Variants in BMAL1 observed in about 807,000 individuals in gnomAD.
BMAL1 encodes basic helix-loop-helix ARNT like 1, also known as basic helix-loop-helix ARNT-like protein 1.
At chr11:13,309,050 A>G in the BMAL1 span, among the ~76,000 whole-genome samples, 2 of 152,180 alleles carry the variant, frequency 1.3e-5, no homozygotes, top group Non-Finnish European at 2.9e-5. Flanking sequence ...TGAACTGTAC[A>G]CTTAAAAATG....
chr11:13,317,840 T>C, the BMAL1 span, among the ~76,000 whole-genome samples: 422 of 152,338 alleles, frequency 2.8e-3, 3 homozygotes, highest in African/African-American at 9.0e-3. Flanking sequence ...ATTTAAAAAA[T>C]ACGTAGATAC....
At chr11:13,353,126 A>G in the BMAL1 span, 1 of 152,166 alleles carries the variant, frequency 6.6e-6, no homozygotes, top group African/African-American at 2.4e-5. Flanking sequence ...AGGGGACCAT[A>G]TTTTCCTGAT....
chr11:13,306,130 G>T, the BMAL1 span, among the ~76,000 whole-genome samples: 1 of 152,134 alleles, frequency 6.6e-6, no homozygotes, highest in Non-Finnish European at 1.5e-5. Flanking sequence ...GCTCCATCCT[G>T]CTGGGAGTGG....
At chr11:13,299,958 G>T in the BMAL1 span, among the ~76,000 whole-genome samples, 1 of 152,202 alleles carries the variant, frequency 6.6e-6, no homozygotes, top group Non-Finnish European at 1.5e-5. Flanking sequence ...TGTCCGAGGG[G>T]CTGAAAGTTG....
the BMAL1 span, chr11:13,378,586 G>C: frequency 1.8e-6 from 2 of 1,132,708 alleles, no homozygotes; most frequent in African/African-American, 3.2e-5. Flanking sequence ...TAAACATCCT[G>C]TGGATAGAGA....
chr11:13,303,251 CAA>C, the BMAL1 span, among the ~76,000 whole-genome samples: 1 of 151,934 alleles, frequency 6.6e-6, no homozygotes, highest in Non-Finnish European at 1.5e-5. Context: ...TCATTGGCAA[CAA>C]ATGATTGTCT....
the BMAL1 span, among the ~76,000 whole-genome samples, chr11:13,352,761 G>A: frequency 3.9e-5 from 6 of 152,242 alleles, no homozygotes; most frequent in African/African-American, 1.2e-4. Flanking sequence ...CTTATCTGTC[G>A]GCCTAACAGT....
the BMAL1 span, among the ~76,000 whole-genome samples, chr11:13,353,015 T>C: frequency 6.6e-6 from 1 of 152,238 alleles, no homozygotes; most frequent in Non-Finnish European, 1.5e-5. Context: ...CTCAAAATGT[T>C]TTGCAAATTT....
At chr11:13,278,675 C>T in the BMAL1 span, among the ~76,000 whole-genome samples, 1 of 152,212 alleles carries the variant, frequency 6.6e-6, no homozygotes, top group African/African-American at 2.4e-5. Flanking sequence ...CAAGGATGCC[C>T]CGTGGGTCTG....
the BMAL1 span, among the ~76,000 whole-genome samples, chr11:13,315,940 G>A: frequency 2.2e-4 from 34 of 152,198 alleles, no homozygotes; most frequent in African/African-American, 7.2e-4. Flanking sequence ...GGGTTTGGCC[G>A]TCACCCTCAC....
the BMAL1 span, among the ~76,000 whole-genome samples, chr11:13,288,427 T>TCTTTCTTTCTTTCTTTC: frequency 3.0e-5 from 2 of 66,118 alleles, no homozygotes; most frequent in Non-Finnish European, 6.7e-5. Flanking sequence ...TTTTTTTCTT[T>TCTTTCTTTCTTTCTTTC]TTTTTTTTTT....
chr11:13,308,942 A>G, the BMAL1 span, among the ~76,000 whole-genome samples: 13 of 152,156 alleles, frequency 8.5e-5, no homozygotes, highest in African/African-American at 3.1e-4. Context: ...GAGAGTTGTT[A>G]TCTAGTGGGT....
the BMAL1 span, among the ~76,000 whole-genome samples, chr11:13,326,214 A>AG: frequency 1.3e-5 from 2 of 151,868 alleles, no homozygotes; most frequent in East Asian, 3.8e-4. Context: ...AAAAAAAAAA[A>AG]AGAGTAGAAC....
the BMAL1 span, among the ~76,000 whole-genome samples, chr11:13,299,313 G>C: frequency 6.6e-6 from 1 of 152,196 alleles, no homozygotes; most frequent in African/African-American, 2.4e-5. Flanking sequence ...ATTCAAGGGA[G>C]GCAGTGTAAT....
At chr11:13,356,272 C>G in the BMAL1 span, 1 of 457,890 alleles carries the variant, frequency 2.2e-6, no homozygotes, top group Admixed American at 2.3e-5. Context: ...TAATTCCACC[C>G]TCCTCACTTC....
the BMAL1 span, among the ~76,000 whole-genome samples, chr11:13,359,129 A>G: frequency 6.6e-6 from 1 of 152,208 alleles, no homozygotes; most frequent in African/African-American, 2.4e-5. Context: ...TTTGTGAGGG[A>G]GGCAGTATTT....
At chr11:13,288,212 T>C in the BMAL1 span, among the ~76,000 whole-genome samples, 1 of 152,072 alleles carries the variant, frequency 6.6e-6, no homozygotes, top group Non-Finnish European at 1.5e-5. Flanking sequence ...GTATGGAAGA[T>C]CACTGAAGGC....
the BMAL1 span, among the ~76,000 whole-genome samples, chr11:13,289,377 T>G: frequency 1.3e-5 from 2 of 152,138 alleles, no homozygotes; most frequent in Non-Finnish European, 2.9e-5. Context: ...CCATGTTTTT[T>G]GTTTATTTGT....
the BMAL1 span, among the ~76,000 whole-genome samples, chr11:13,322,958 T>A: frequency 6.8e-6 from 1 of 146,666 alleles, no homozygotes; most frequent in Admixed American, 6.8e-5. Flanking sequence ...CCTGTCTGAT[T>A]TTTTTTTTTT....
Sources: allele counts gnomAD v4.1 joint callset (sites outside exome capture counted in the v4.1 genomes callset), GRCh38; gene constraint gnomAD v4.1.1; transcripts MANE v1.5; gene names NCBI Gene and HGNC (gene_info 2026-07-23, HGNC 2026-07-21).